HORMAD2: variants seen among roughly 807,000 people sequenced by gnomAD.
HORMAD2 encodes HORMA domain containing 2.
Under a neutral mutation model 38.8 loss-of-function variants are expected in HORMAD2, and 45 were observed. The ratio of observed to expected loss-of-function variants is 1.16; its 90% confidence interval spans 0.91 to 1.49. The LOEUF is 1.49. HORMAD2 is among the 40% of genes most tolerant of loss of function. The pLI is 0.00. For synonymous variants in HORMAD2, 126 were observed against 122.8 expected (o/e 1.03, Z -0.17); for missense variants, 338 against 367.0 (o/e 0.92, Z 0.65).
chr22:30,152,097 C>T (rs191007282), intron 10 of HORMAD2, among the ~76,000 whole-genome samples: 1 of 152,204 alleles, frequency 6.6e-6, no homozygotes, highest in African/African-American at 2.4e-5. Context: ...GCTTCTTCCC[C>T]CACCTTCACT....
chr22:30,113,177 A>G (rs942906368), intron 7 of HORMAD2, among the ~76,000 whole-genome samples: 11 of 151,982 alleles, frequency 7.2e-5, no homozygotes, highest in African/African-American at 2.2e-4. Flanking sequence ...GAACCCCACA[A>G]TTTAACACTC....
chr22:30,091,489 C>T (rs1252333001), intron 1 of HORMAD2, among the ~76,000 whole-genome samples: 1 of 152,060 alleles, frequency 6.6e-6, no homozygotes, highest in Non-Finnish European at 1.5e-5. Flanking sequence ...TGGTCTTGAA[C>T]TCCTGGGCTC....
chr22:30,179,110 A>G (rs926366871), downstream of HORMAD2, among the ~76,000 whole-genome samples: 4 of 152,192 alleles, frequency 2.6e-5, no homozygotes, highest in Non-Finnish European at 5.9e-5. Flanking sequence ...ACTTTAATGT[A>G]TCTTAAAATT....
upstream of HORMAD2, among the ~76,000 whole-genome samples, chr22:30,078,034 AGCACAGGGGCCAG>A (rs555631654): frequency 5.3e-5 from 8 of 152,346 alleles, no homozygotes; most frequent in South Asian, 2.1e-4. Context: ...AACAGCTCCT[AGCACAGGGGCCAG>A]GCACAGGGGC....
intron 6 of HORMAD2, 78 bp downstream of exon 6, chr22:30,111,894 A>C: frequency 9.2e-7 from 1 of 1,087,620 alleles, no homozygotes; most frequent in Non-Finnish European, 1.3e-6. Flanking sequence ...TTAAAACAGT[A>C]CTCTCCCTCT....
At chr22:30,168,580 C>T (rs1322574014) in intron 10 of HORMAD2, among the ~76,000 whole-genome samples, 1 of 152,182 alleles carries the variant, frequency 6.6e-6, no homozygotes, top group Non-Finnish European at 1.5e-5. Context: ...TATTTCCCAT[C>T]TTGGTCACCG....
chr22:30,206,917 A>C, the HORMAD2 span: 3 of 371,650 alleles, frequency 8.1e-6, no homozygotes, highest in Non-Finnish European at 1.7e-5. Context: ...ACACCCGAGC[A>C]TCATTCAAGG....
At chr22:30,098,744 T>C (rs1920925566) in intron 2 of HORMAD2, 108 bp from the exon 3 acceptor site, 15 of 909,420 alleles carry the variant, frequency 1.6e-5, no homozygotes, top group Admixed American at 5.6e-5. Flanking sequence ...TTCAAAGATA[T>C]CAAATTTGAA....
At chr22:30,152,827 C>G (rs1171920656) in intron 10 of HORMAD2, among the ~76,000 whole-genome samples, 2 of 152,266 alleles carry the variant, frequency 1.3e-5, no homozygotes, top group East Asian at 3.9e-4. Flanking sequence ...GCTCTTCTAG[C>G]TCTATGTGCT....
intron 10 of HORMAD2, among the ~76,000 whole-genome samples, chr22:30,162,055 G>C (rs1398076700): frequency 6.6e-6 from 1 of 152,126 alleles, no homozygotes; most frequent in African/African-American, 2.4e-5. Context: ...GCTCACATCT[G>C]TAGTCCCAGC....
chr22:30,138,230 G>A (rs547029657), intron 10 of HORMAD2, among the ~76,000 whole-genome samples: 22 of 148,398 alleles, frequency 1.5e-4, no homozygotes, highest in East Asian at 5.8e-4. Flanking sequence ...ATGTATATTC[G>A]GATCTTTTGC....
rs1159713073 is a variant in HORMAD2, at chr22:30,087,104, G to A, written c.-38+6613G>A. On this transcript the variant is annotated intron_variant, in intron 1 of 10. Transcript: ENST00000336726. ...TTGAACTCCTGACCTCAGGTGATCC[G>A]CCCACCTCAGCCTCCCAAAGTCCTG... Among the ~76,000 whole-genome samples the A allele has an allele frequency of 4.2e-4, 64 of 152,036 alleles. 2 individuals carry two copies. Among genetic ancestry groups the A allele is most frequent in the Admixed American group, 3.9e-3 (60 of 15,254 alleles).
At chr22:30,196,316 A>G in the HORMAD2 span, among the ~76,000 whole-genome samples, 4 of 152,204 alleles carry the variant, frequency 2.6e-5, no homozygotes, top group Non-Finnish European at 5.9e-5. Flanking sequence ...ACGTCAAGTG[A>G]TGTAAGAAAA....
At chr22:30,118,013 T>C (rs1465469552) in intron 7 of HORMAD2, among the ~76,000 whole-genome samples, 1 of 152,176 alleles carries the variant, frequency 6.6e-6, no homozygotes, top group Non-Finnish European at 1.5e-5. Flanking sequence ...GCCATTATAG[T>C]CTTCCCTGAA....
intron 10 of HORMAD2, among the ~76,000 whole-genome samples, chr22:30,167,689 G>T (rs1294140554): frequency 6.6e-6 from 1 of 152,132 alleles, no homozygotes; most frequent in Non-Finnish European, 1.5e-5. Flanking sequence ...TTTGACTTTG[G>T]CTGTGTTTAG....
chr22:30,099,383 A>G (rs1920928963), intron 3 of HORMAD2, among the ~76,000 whole-genome samples: 1 of 152,230 alleles, frequency 6.6e-6, no homozygotes, highest in African/African-American at 2.4e-5. Flanking sequence ...TCTCCCTGTT[A>G]ACGTATATAA....
Position 30,118,397 on chromosome 22 carries a change from C to T in HORMAD2, c.343-583C>T, listed in dbSNP as rs555199235. Among the ~76,000 whole-genome samples the T allele has an allele frequency of 2.0e-5, 3 of 152,306 alleles. No individual in the cohort carries two copies. In the East Asian group the frequency reaches 5.8e-4, roughly 29 times the overall value. ...CCTTGAGGCTCAGTTCAAACCTCACCTCTTCAGCAAGGCCTTCCTTGGCCC... is the reference window on the plus strand; with the variant it reads ...CCTTGAGGCTCAGTTCAAACCTCACTTCTTCAGCAAGGCCTTCCTTGGCCC... On this transcript the variant is annotated intron_variant, in intron 7 of 10. Coordinates refer to ENST00000336726, the MANE Select transcript of HORMAD2 (RefSeq NM_152510.4).
chr22:30,193,026 T>C, the HORMAD2 span, among the ~76,000 whole-genome samples: 1 of 152,222 alleles, frequency 6.6e-6, no homozygotes, highest in Admixed American at 6.5e-5. Flanking sequence ...AATGTATTCA[T>C]TGATATATCA....
chr22:30,168,296 A>G (rs1682588449), intron 10 of HORMAD2, among the ~76,000 whole-genome samples: 1 of 152,200 alleles, frequency 6.6e-6, no homozygotes, highest in Admixed American at 6.5e-5. Flanking sequence ...TTCTGCTCTC[A>G]TATTTAAATG....
Sources: gnomAD v4.1 joint callset for allele counts (sites outside exome capture counted in the v4.1 genomes callset) on GRCh38, gnomAD v4.1.1 for gene constraint, MANE v1.5 for transcripts, NCBI Gene and HGNC (gene_info 2026-07-23, HGNC 2026-07-21) for gene names.